The following XYLT1 variants were observed in gnomAD, a reference collection of about 807,000 sequenced individuals.
XYLT1 encodes xylosyltransferase 1.
Under a neutral mutation model 91.3 loss-of-function variants are expected in XYLT1, and 36 were observed. The ratio of observed to expected loss-of-function variants is 0.39; its 90% CI spans 0.30 to 0.52. The LOEUF (loss-of-function observed/expected upper bound fraction) is 0.52. Ranked by LOEUF, XYLT1 falls within the 20% of genes least tolerant of loss-of-function variation. The pLI is 0.68. For missense variants in XYLT1, 1,242 were observed against 1,284.5 expected (o/e 0.97, Z 0.51); for synonymous variants, 588 against 532.0 (o/e 1.11, Z -1.45).
chr16:17,145,097 T>C lies in XYLT1; in HGVS notation c.1371-3728A>G, dbSNP rs1032080525. ...TCTATGGATTTACCAATTCTAGATA[T>C]TTCATATAAAGGCAGTCATACAATA... On this transcript the variant is annotated intron_variant, in intron 6 of 11. Coordinates refer to ENST00000261381, the MANE Select transcript of XYLT1 (RefSeq NM_022166.4). Among the ~76,000 whole-genome samples, 4 of 152,242 alleles carry C rather than the reference T, an allele frequency of 2.6e-5. No homozygotes were observed. The East Asian group carries it at 7.7e-4, about 29-fold the overall frequency.
At chr16:17,350,639 G>A (rs1443768553) in intron 2 of XYLT1, among the ~76,000 whole-genome samples, 1 of 152,108 alleles carries the variant, frequency 6.6e-6, no homozygotes, top group East Asian at 1.9e-4. Flanking sequence ...GGCTGACGGG[G>A]GAAAAAAACA....
chr16:17,265,196 AAAC>A (rs2033787115), intron 2 of XYLT1, among the ~76,000 whole-genome samples: 1 of 152,138 alleles, frequency 6.6e-6, no homozygotes, highest in Admixed American at 6.5e-5. Context: ...CAAAACAAAC[AAAC>A]AACACCTCAC....
intron 5 of XYLT1, among the ~76,000 whole-genome samples, chr16:17,166,577 TCTCCGCTTACAGTAAC>T (rs1010022402): frequency 1.3e-5 from 2 of 151,808 alleles, no homozygotes; most frequent in Non-Finnish European, 1.5e-5. Flanking sequence ...AGTGGCACGA[TCTCCGCTTACAGTAAC>T]CTCCACCTCC....
chr16:17,211,539 G>C (rs12920060), intron 3 of XYLT1, among the ~76,000 whole-genome samples: 52,047 of 152,040 alleles, frequency 0.34, 9,292 homozygotes, highest in East Asian at 0.54. Flanking sequence ...TTTCACTCAT[G>C]AGGCTTTTAC....
At chr16:17,138,207 T>G in intron 8 of XYLT1, 148 bp downstream of exon 8, 1 of 865,104 alleles carries the variant, frequency 1.2e-6, no homozygotes, top group Non-Finnish European at 1.7e-6. Flanking sequence ...CACTGGCTAT[T>G]GTTGATACTG....
intron 5 of XYLT1, chr16:17,193,894 G>A (rs561969922): frequency 6.6e-6 from 1 of 152,376 alleles, no homozygotes; most frequent in East Asian, 1.9e-4. Flanking sequence ...CTCTGGCTAT[G>A]AGGCTGGCAA....
intron 1 of XYLT1, among the ~76,000 whole-genome samples, chr16:17,408,707 G>A (rs1341076797): frequency 6.6e-6 from 1 of 152,150 alleles, no homozygotes. Context: ...TTAGCTGGGC[G>A]TGCTGGCACA....
chr16:17,178,623 T>G (rs74995229), intron 5 of XYLT1, among the ~76,000 whole-genome samples: 272 of 152,280 alleles, frequency 1.8e-3, no homozygotes, highest in African/African-American at 6.3e-3. Flanking sequence ...CTGCCACCTG[T>G]TTTTAGAAAG....
rs539492002 is a variant in XYLT1 at position 17,294,455 on chromosome 16, C to G, written c.403-34957G>C. Among the ~76,000 whole-genome samples the G allele has an allele frequency of 2.0e-5, 3 of 152,330 alleles. No individual in the cohort carries two copies. The East Asian group carries it at 5.8e-4, about 29-fold the overall frequency. Reference sequence around the variant, plus strand: ...CTATTTTTATCGTCTTTCCGCCACTCTCATGCCACAAGCAAGAGCTGCTGT... The same window carrying G: ...CTATTTTTATCGTCTTTCCGCCACTGTCATGCCACAAGCAAGAGCTGCTGT... On this transcript the variant is annotated intron_variant, in intron 2 of 11. Coordinates refer to ENST00000261381, the MANE Select transcript of XYLT1 (RefSeq NM_022166.4).
chr16:17,394,352 T>C (rs543797965), intron 1 of XYLT1, among the ~76,000 whole-genome samples: 19 of 152,292 alleles, frequency 1.2e-4, no homozygotes, highest in Admixed American at 1.2e-3. Flanking sequence ...CTACTCTGCC[T>C]TCATGGAGGT....
chr16:17,114,016 G>C (rs1966847382), intron 11 of XYLT1, among the ~76,000 whole-genome samples: 1 of 151,732 alleles, frequency 6.6e-6, no homozygotes, highest in Admixed American at 6.6e-5. Context: ...CCTATGCCAT[G>C]GGGACAGACT....
At chr16:17,131,281 T>C (rs1035720941) in intron 9 of XYLT1, among the ~76,000 whole-genome samples, 1 of 152,214 alleles carries the variant, frequency 6.6e-6, no homozygotes, top group East Asian at 1.9e-4. Context: ...ATCTAAGTAA[T>C]GAAAACTGTT....
rs191705639 is a variant in XYLT1, at chr16:17,183,795, G to A, written c.1289+14417C>T. Among the ~76,000 whole-genome samples, 307 of 152,268 alleles carry A rather than the reference G, an allele frequency of 2.0e-3. 1 individual carries two copies. Among genetic ancestry groups the A allele is most frequent in the African/African-American group, 7.2e-3 (298 of 41,542 alleles). On this transcript the variant is annotated intron_variant, in intron 5 of 11. Transcript: ENST00000261381. ...ACCATGCTGGACAATGACTCAGGGT[G>A]GGAGCAAGGGAGAGAAAATACTTGA... is the stretch of plus-strand genomic sequence containing the variant.
At chr16:17,331,856 T>C (rs189643076) in intron 2 of XYLT1, among the ~76,000 whole-genome samples, 1 of 152,230 alleles carries the variant, frequency 6.6e-6, no homozygotes, top group Non-Finnish European at 1.5e-5. Context: ...GCATCTCATA[T>C]GGCTTGAATG....
chr16:17,420,742 T>C (rs752798689), intron 1 of XYLT1, among the ~76,000 whole-genome samples: 44 of 152,220 alleles, frequency 2.9e-4, no homozygotes, highest in Non-Finnish European at 5.1e-4. Context: ...GTGCATGTCA[T>C]TTATTACACC....
intron 3 of XYLT1, among the ~76,000 whole-genome samples, chr16:17,201,003 C>T (rs547255149): frequency 1.5e-4 from 23 of 152,176 alleles, no homozygotes; most frequent in Non-Finnish European, 2.9e-4. Context: ...CAGTTAATTT[C>T]GAGTTAGTGA....
chr16:17,469,752 G>C (rs914967863), intron 1 of XYLT1, among the ~76,000 whole-genome samples: 1 of 152,204 alleles, frequency 6.6e-6, no homozygotes, highest in Non-Finnish European at 1.5e-5. Context: ...AGGAGAAGGA[G>C]CCATGCCCTG....
intron 2 of XYLT1, chr16:17,355,543 A>G (rs776192235): frequency 6.6e-6 from 1 of 152,162 alleles, no homozygotes; most frequent in Non-Finnish European, 1.5e-5. Context: ...CTCTGATAGG[A>G]AGTTTAGGTG....
intron 5 of XYLT1, among the ~76,000 whole-genome samples, chr16:17,164,247 T>G (rs2031626742): frequency 6.6e-6 from 1 of 152,054 alleles, no homozygotes; most frequent in African/African-American, 2.4e-5. Flanking sequence ...AAATTCTACT[T>G]TAGCTTTATC....
Sources: gnomAD v4.1 joint callset for allele counts (sites outside exome capture counted in the v4.1 genomes callset) on GRCh38, gnomAD v4.1.1 for gene constraint, MANE v1.5 for transcripts, NCBI Gene and HGNC (gene_info 2026-07-23, HGNC 2026-07-21) for gene names.